Variants in NINL observed in about 807,000 individuals in gnomAD.
NINL encodes ninein-like protein.
NINL carries 153 observed loss-of-function variants against 160.3 expected under a neutral mutation model. The ratio of observed to expected loss-of-function variants is 0.95; its 90% CI spans 0.84 to 1.09. NINL has a LOEUF of 1.09. NINL is among the 50% of genes least tolerant of loss of function. NINL has a pLI of 0.00. For synonymous variants in NINL, 800 were observed against 734.8 expected (o/e 1.09, Z -1.43); for missense variants, 1,829 against 1,764.0 (o/e 1.04, Z -0.66).
At chr20:25,536,723 A>T (rs2064562640) in intron 1 of NINL, among the ~76,000 whole-genome samples, 1 of 149,042 alleles carries the variant, frequency 6.7e-6, no homozygotes, top group Non-Finnish European at 1.5e-5. Flanking sequence ...TCTCCAAAAA[A>T]AAAAAAAGGT....
chr20:25,480,675 G>T (rs1240877675), intron 14 of NINL, among the ~76,000 whole-genome samples: 1 of 152,176 alleles, frequency 6.6e-6, no homozygotes, highest in South Asian at 2.1e-4. Flanking sequence ...GTGCACGGAG[G>T]TTATCTATCT....
chr20:25,525,511 C>A (rs1335281109), intron 2 of NINL, among the ~76,000 whole-genome samples: 6 of 151,860 alleles, frequency 4.0e-5, no homozygotes, highest in African/African-American at 1.5e-4. Flanking sequence ...AAAATTAGGC[C>A]GGTGTGGTGG....
chr20:25,518,976 T>C (rs900133486), intron 2 of NINL, among the ~76,000 whole-genome samples: 7 of 151,240 alleles, frequency 4.6e-5, no homozygotes, highest in African/African-American at 1.7e-4. Context: ...CGTGTGCCTG[T>C]AATCCCACTA....
At chr20:25,536,044 C>T (rs1325183063) in intron 1 of NINL, among the ~76,000 whole-genome samples, 5 of 152,174 alleles carry the variant, frequency 3.3e-5, no homozygotes, top group Non-Finnish European at 7.3e-5. Flanking sequence ...AGAGCAGCCC[C>T]ACATCACAGC....
intron 1 of NINL, among the ~76,000 whole-genome samples, chr20:25,529,582 T>C (rs1219898755): frequency 6.6e-6 from 1 of 152,086 alleles, no homozygotes; most frequent in Non-Finnish European, 1.5e-5. Flanking sequence ...TCAGACTGTT[T>C]TGAGATGGTA....
intron 1 of NINL, among the ~76,000 whole-genome samples, chr20:25,572,863 C>G (rs1354030591): frequency 6.6e-6 from 1 of 152,148 alleles, no homozygotes; most frequent in Non-Finnish European, 1.5e-5. Context: ...TAACTTGCTT[C>G]CTCCCCAGAA....
intron 19 of NINL, among the ~76,000 whole-genome samples, chr20:25,464,276 G>A (rs912502431): frequency 2.6e-5 from 4 of 152,178 alleles, no homozygotes; most frequent in African/African-American, 9.7e-5. Flanking sequence ...AATTAGCCGG[G>A]CTTGGTGGCA....
Position 25,453,668 on chromosome 20 carries a change from T to TG in NINL, c.3958-27dup, listed in dbSNP as rs544300410. On this transcript the variant is annotated intron_variant, in intron 23 of 23. Coordinates refer to ENST00000278886, the MANE Select transcript of NINL (RefSeq NM_025176.6). ...CTAGAGAGGGGAGGAAGCCATGCTT[T>TG]GCATGAGGCCGGTGGAGAAACGCTA... The TG allele has an allele frequency of 6.3e-5, 99 of 1,576,766 alleles. No individual in the cohort carries two copies. In the African/African-American group the frequency reaches 1.2e-3, roughly 20 times the overall value.
intron 2 of NINL, among the ~76,000 whole-genome samples, chr20:25,519,638 A>G (rs2064226290): frequency 6.6e-6 from 1 of 152,226 alleles, no homozygotes; most frequent in Non-Finnish European, 1.5e-5. Context: ...TAGTCATACA[A>G]TGAAATACCT....
intron 4 of NINL, among the ~76,000 whole-genome samples, chr20:25,511,639 T>C (rs532781934): frequency 6.6e-6 from 1 of 152,248 alleles, no homozygotes; most frequent in Admixed American, 6.5e-5. Flanking sequence ...GAATCAAAGA[T>C]GATTTAAGAA....
chr20:25,553,940 A>G (rs2064833772), intron 1 of NINL, among the ~76,000 whole-genome samples: 1 of 152,268 alleles, frequency 6.6e-6, no homozygotes, highest in Admixed American at 6.5e-5. Flanking sequence ...TCAGATGCTC[A>G]GTCCCTGGAC....
intron 17 of NINL, among the ~76,000 whole-genome samples, chr20:25,473,558 G>A (rs2063158122): frequency 6.7e-6 from 1 of 150,028 alleles, no homozygotes; most frequent in Admixed American, 6.7e-5. Flanking sequence ...TGGTGGCTCA[G>A]GCCTTATGTA....
At chr20:25,565,500 A>G (rs2064989679) in intron 1 of NINL, among the ~76,000 whole-genome samples, 1 of 152,180 alleles carries the variant, frequency 6.6e-6, no homozygotes. Flanking sequence ...GACTTACTAA[A>G]AAACTGAGAC....
intron 1 of NINL, among the ~76,000 whole-genome samples, chr20:25,563,799 T>C (rs1696418537): frequency 1.3e-5 from 2 of 152,200 alleles, no homozygotes; most frequent in Admixed American, 1.3e-4. Context: ...TAAATAATGA[T>C]TTTTACAAGT....
In NINL at chr20:25,476,407, G is replaced by C; in HGVS notation, c.2884C>G (p.Leu962Val). Residue 962 changes from leucine (L) to valine (V), a missense_variant, in exon 17 of 24, where the codon CTG becomes GTG. By Grantham distance (32) the Leu-to-Val change is conservative. Transcript: ENST00000278886. ...QTQPRMWEPP[L>V]RPAASCRGQA... ...CCCCTGCACGAAGCGGCCGGCCTCA[G>C]GGGTGGCTCCCACATCCGTGGCTGG... is the stretch of plus-strand genomic sequence containing the variant. 1 of 1,574,906 alleles carries C rather than the reference G, an allele frequency of 6.3e-7. No individual in the cohort carries two copies. Among genetic ancestry groups the C allele is most frequent in the Non-Finnish European group, 8.6e-7 (1 of 1,166,472 alleles).
chr20:25,561,201 G>A (rs922501994), intron 1 of NINL, among the ~76,000 whole-genome samples: 8 of 152,294 alleles, frequency 5.3e-5, no homozygotes, highest in East Asian at 1.9e-4. Context: ...CACGCCTGAC[G>A]GGTTTTCCTA....
At position 25,480,252 on chromosome 20, in the gene NINL, C is replaced by A; in HGVS notation, c.1826G>T (p.Gly609Val). The change falls in exon 15 of 24, where the codon GGT becomes GTT. Residue 609 changes from glycine (G) to valine (V), a missense_variant. Transcript: ENST00000278886. ...TTCTATACTCACTGGAGCAGAATTA[C>A]CCAGGAATGAAATGCCTGCAAACAA... ...GLGPAGISFLGNSAPVSIETE... is the reference protein window; with the variant it reads ...GLGPAGISFLVNSAPVSIETE... The A allele has an allele frequency of 6.2e-7, 1 of 1,613,938 alleles. No homozygotes were observed. The highest frequency in any genetic ancestry group is 1.1e-5 in the South Asian group (1 of 91,066).
intron 1 of NINL, among the ~76,000 whole-genome samples, chr20:25,544,716 T>C (rs201614409): frequency 6.6e-6 from 1 of 152,176 alleles, no homozygotes; most frequent in Non-Finnish European, 1.5e-5. Context: ...GCTAACAGCA[T>C]TGGCATGAAA....
intron 1 of NINL, among the ~76,000 whole-genome samples, chr20:25,537,991 C>A (rs897651892): frequency 6.6e-6 from 1 of 152,202 alleles, no homozygotes; most frequent in African/African-American, 2.4e-5. Context: ...GCGGTATCCA[C>A]GGGACCAACA....
Sources: gnomAD v4.1 joint callset for allele counts (sites outside exome capture counted in the v4.1 genomes callset) on GRCh38, gnomAD v4.1.1 for gene constraint, MANE v1.5 for transcripts, NCBI Gene and HGNC (gene_info 2026-07-23, HGNC 2026-07-21) for gene names.